Variants in POLE observed in about 807,000 individuals in gnomAD.
POLE encodes DNA polymerase epsilon, catalytic subunit, also known as DNA polymerase epsilon catalytic subunit A.
A neutral mutation model predicts 279.2 loss-of-function variants in POLE; 188 were observed. The ratio of observed to expected loss-of-function variants is 0.67; its 90% confidence interval spans 0.60 to 0.76. The LOEUF (loss-of-function observed/expected upper bound fraction) is 0.76. Among genes scored for constraint, POLE ranks in the 30% least tolerant of loss-of-function variants. The probability of loss-of-function intolerance (pLI) is 0.00; values close to 1 mark genes in which losing one functional copy is unlikely to be tolerated. For missense variants in POLE, 2,703 were observed against 3,016.7 expected (o/e 0.90, Z 2.44); for synonymous variants, 1,214 against 1,172.5 (o/e 1.04, Z -0.72).
chr12:132,666,898 G>A (rs1310199137), intron 20 of POLE, among the ~76,000 whole-genome samples: 1 of 152,202 alleles, frequency 6.6e-6, no homozygotes, highest in Admixed American at 6.5e-5. Flanking sequence ...AAAAGAACAT[G>A]TGACGATGAG....
At position 132,668,108 on chromosome 12, in the gene POLE, A is replaced by G. The variant is rs1161228241; in HGVS notation, c.2173+248T>C. On this transcript the variant is annotated intron_variant, in intron 19 of 48. Coordinates refer to ENST00000320574, the MANE Select transcript of POLE (RefSeq NM_006231.4). The surrounding 1 kb of genome is among the most constrained non-coding windows in gnomAD (Gnocchi z 4.0). ...AAAAAAAAAAAGAAAGAAATAGGAC[A>G]GCCCAGGGGTAGGAACAGGCCAAAT... 1.3e-5 allele frequency among the ~76,000 whole-genome samples: 2 copies of G among 151,980 alleles called. No homozygotes were observed. The highest frequency in any genetic ancestry group is 2.9e-5 in the Non-Finnish European group (2 of 67,990).
In POLE at chr12:132,662,839, T is replaced by G. The variant is rs2042709057; in HGVS notation, c.2707-1155A>C. The stretch of plus-strand genomic sequence containing the variant: ...GGAGCAGGAAGCCACTCCGGTCCTA[T>G]GAACAATAACCCTGGGATGTCCACT... On this transcript the variant is annotated intron_variant, in intron 23 of 48. Coordinates refer to ENST00000320574, the MANE Select transcript of POLE (RefSeq NM_006231.4). Among the ~76,000 whole-genome samples, 4 of 152,184 alleles carry G rather than the reference T, an allele frequency of 2.6e-5. No homozygotes were observed. The South Asian group carries it at 8.3e-4, about 32-fold the overall frequency.
intron 45 of POLE, among the ~76,000 whole-genome samples, chr12:132,629,870 G>T (rs1448628096): frequency 6.6e-6 from 1 of 152,196 alleles, no homozygotes; most frequent in Non-Finnish European, 1.5e-5. Flanking sequence ...CCTAAGTTTA[G>T]CCATTTCTAG....
At position 132,642,415 on chromosome 12, in the gene POLE, T is replaced by TCAGCACCGGGGCA; in HGVS notation, c.4953-31_4953-19dup. 1 of 1,589,636 alleles carries TCAGCACCGGGGCA rather than the reference T, an allele frequency of 6.3e-7. No homozygotes were observed. The highest frequency in any genetic ancestry group is 8.6e-7 in the Non-Finnish European group (1 of 1,164,698). On this transcript the variant is annotated intron_variant, in intron 37 of 48. Coordinates refer to ENST00000320574, the MANE Select transcript of POLE (RefSeq NM_006231.4). ...GAAAGTACCTGCACCAGGGCACAGGTCAGCACCGGGGCACATCGCCGGGTC... is the reference window on the plus strand; with the variant it reads ...GAAAGTACCTGCACCAGGGCACAGGTCAGCACCGGGGCACAGCACCGGGGCACATCGCCGGGTC...
Position 132,624,888 on chromosome 12 carries a change from G to A in POLE, c.6747+17C>T, listed in dbSNP as rs1220706828. On this transcript the variant is annotated intron_variant, in intron 48 of 48. Transcript: ENST00000320574. The stretch of plus-strand genomic sequence containing the variant: ...AAGGAGGCCAGGCTGAGCCGAGGCA[G>A]ATGAGGGAGAGCCCACCTGGGTGTG... 2.5e-6 allele frequency: 4 copies of A among 1,611,070 alleles called. No individual in the cohort carries two copies. Among genetic ancestry groups the A allele is most frequent in the Non-Finnish European group, 3.4e-6 (4 of 1,177,284 alleles).
At chr12:132,669,839 C>G (rs977411663) in intron 16 of POLE, among the ~76,000 whole-genome samples, 10 of 152,198 alleles carry the variant, frequency 6.6e-5, no homozygotes, top group Admixed American at 1.3e-4. Flanking sequence ...AACAGGTGAC[C>G]CTTCAGGGAC....
In POLE at chr12:132,634,518, C is replaced by T. The variant is rs879488801; in HGVS notation, c.5812-140G>A. 108 of 818,430 alleles carry T rather than the reference C, an allele frequency of 1.3e-4. No individual in the cohort carries two copies. The highest frequency in any genetic ancestry group is 9.2e-5 in the Non-Finnish European group (47 of 508,120). The allele number at this position is 818,430 out of a possible 1,614,324, so 50.7% of individuals were successfully genotyped here. A position where few individuals can be genotyped will look rare whatever the true frequency, so the allele number is the denominator to read the frequency against. On this transcript the variant is annotated intron_variant, in intron 42 of 48. Transcript: ENST00000320574. The surrounding 1 kb of genome is among the most constrained non-coding windows in gnomAD (Gnocchi z 4.0). Reference sequence around the variant, plus strand: ...GCCTTCCTCGCAGTCAAGGCATCCCCTGGAGCCTGCGTGAATCCCCCAGGG... The same window carrying T: ...GCCTTCCTCGCAGTCAAGGCATCCCTTGGAGCCTGCGTGAATCCCCCAGGG...
rs774990218 is a variant in POLE, at chr12:132,649,117, A to C, written c.4006-45T>G. 1.0e-5 allele frequency: 16 copies of C among 1,590,726 alleles called. No homozygotes were observed. The Admixed American group carries it at 2.7e-4, about 27-fold the overall frequency. On this transcript the variant is annotated intron_variant, in intron 31 of 48. Coordinates refer to ENST00000320574, the MANE Select transcript of POLE (RefSeq NM_006231.4). The stretch of plus-strand genomic sequence containing the variant: ...TACAGCACATCACAGGACACACTGG[A>C]ACCCACAGACGGGGCCACCTTCCAG...
chr12:132,642,015 C>T (rs2042155174), intron 38 of POLE, among the ~76,000 whole-genome samples, 162 bp downstream of exon 38: 1 of 152,214 alleles, frequency 6.6e-6, no homozygotes, highest in African/African-American at 2.4e-5. Context: ...GCACAGGAGG[C>T]CCCACCTGGA....
chr12:132,644,922 A>T (rs1237459291), intron 32 of POLE, among the ~76,000 whole-genome samples: 1 of 9,780 alleles, frequency 1.0e-4, no homozygotes, highest in African/African-American at 5.5e-4. Flanking sequence ...AGAGCTGGAG[A>T]GGGGCACCCT....
intron 29 of POLE, among the ~76,000 whole-genome samples, chr12:132,654,745 C>A (rs1001540003): frequency 1.3e-4 from 20 of 152,146 alleles, no homozygotes; most frequent in Non-Finnish European, 2.2e-4. Context: ...TGAGCCATGA[C>A]TGCGCCACTG....
At chr12:132,652,205 T>G (rs2138628429) in intron 29 of POLE, among the ~76,000 whole-genome samples, 4 of 152,272 alleles carry the variant, frequency 2.6e-5, no homozygotes, top group Middle Eastern at 6.8e-3. Flanking sequence ...TAACTTTTAA[T>G]TAATTGATCA....
chr12:132,659,567 C>A (rs376301402), intron 25 of POLE, 58 bp from the exon 26 acceptor site: 1 of 1,446,332 alleles, frequency 6.9e-7, no homozygotes, highest in Non-Finnish European at 9.6e-7. Context: ...TCTGAGCTCA[C>A]CCTGGACTGT....
chr12:132,652,056 G>C (rs1349154893), intron 29 of POLE, among the ~76,000 whole-genome samples: 1 of 152,296 alleles, frequency 6.6e-6, no homozygotes, highest in East Asian at 1.9e-4. Context: ...TGTGCTACAT[G>C]TAAGTTTGTG....
chr12:132,657,823 T>A (rs771175128), intron 27 of POLE, 45 bp downstream of exon 27: 1 of 1,333,032 alleles, frequency 7.5e-7, no homozygotes, highest in Non-Finnish European at 1.1e-6. Context: ...TCTGTCTAGC[T>A]TTCCTTGTAA....
chr12:132,676,071 T>C, intron 10 of POLE, 23 bp downstream of exon 10: 1 of 1,489,120 alleles, frequency 6.7e-7, no homozygotes, highest in Middle Eastern at 1.7e-4. Flanking sequence ...TACCGGGTAG[T>C]TTCCCAAGTG....
rs1029356954 is a variant in POLE, at chr12:132,664,535, T to C, written c.2469-73A>G. ...AGGGGGTATCAGAGGCAGTGAGGAG[T>C]AGGGAGGAGGAAAGGAGAGATGCGA... On this transcript the variant is annotated intron_variant, in intron 21 of 48. Coordinates refer to ENST00000320574, the MANE Select transcript of POLE (RefSeq NM_006231.4). This position sits in a 1 kb window ranked among gnomAD's most constrained non-coding sequence, Gnocchi z 5.3. The C allele has an allele frequency of 8.0e-6, 9 of 1,129,622 alleles. 1 individual carries two copies. In the South Asian group the frequency reaches 1.1e-4, roughly 14 times the overall value. 70.0% of individuals were successfully genotyped at this position (1,129,622 alleles called of 1,614,324 possible).
At chr12:132,640,587 C>A (rs923326190) in intron 39 of POLE, among the ~76,000 whole-genome samples, 6 of 152,360 alleles carry the variant, frequency 3.9e-5, no homozygotes, top group Non-Finnish European at 5.9e-5. Context: ...GCAGAGATGC[C>A]AGCTGCTCTG....
chr12:132,674,300 G>A (rs553581011), intron 12 of POLE, among the ~76,000 whole-genome samples: 11 of 151,988 alleles, frequency 7.2e-5, no homozygotes, highest in Non-Finnish European at 1.0e-4. Context: ...TCCACCCCCC[G>A]CAGCCTCCAC....
Sources: allele counts gnomAD v4.1 joint callset (sites outside exome capture counted in the v4.1 genomes callset), GRCh38; gene constraint gnomAD v4.1.1; non-coding constraint Gnocchi (gnomAD v3.1); transcripts MANE v1.5; gene names NCBI Gene and HGNC (gene_info 2026-07-23, HGNC 2026-07-21).